RGS6: variants seen among roughly 807,000 people sequenced by gnomAD.
RGS6 encodes the protein regulator of G protein signaling 6.
In RGS6, 30 loss-of-function variants were observed where a neutral mutation model predicts 78.5. The ratio of observed to expected loss-of-function variants is 0.38; its 90% CI spans 0.29 to 0.52. The LOEUF (loss-of-function observed/expected upper bound fraction) is 0.52, where lower values mean the gene tolerates loss of function less well. RGS6 is among the 20% of genes least tolerant of loss of function. RGS6 has a pLI of 0.85. For synonymous variants in RGS6, 206 were observed against 206.0 expected, an observed-to-expected ratio of 1.00 and a Z score of 0.00; for missense variants, 495 against 609.7, an observed-to-expected ratio of 0.81 and a Z score of 1.98.
chr14:71,993,326 G>C (rs1445666668), intron 2 of RGS6, among the ~76,000 whole-genome samples: 2 of 152,054 alleles, frequency 1.3e-5, no homozygotes, highest in Non-Finnish European at 2.9e-5. Context: ...TTTTTAGAGA[G>C]TGGCTTTTAG....
intron 2 of RGS6, among the ~76,000 whole-genome samples, chr14:72,284,068 T>G (rs1460758906): frequency 1.3e-5 from 2 of 152,162 alleles, no homozygotes; most frequent in African/African-American, 4.8e-5. Flanking sequence ...TGATTTAGGG[T>G]ATCTGGCAGA....
At chr14:72,371,836 G>A (rs1480843645) in intron 3 of RGS6, among the ~76,000 whole-genome samples, 2 of 152,214 alleles carry the variant, frequency 1.3e-5, no homozygotes, top group Admixed American at 1.3e-4. Context: ...TCCAGATTTA[G>A]TGTAGCTGAC....
intron 2 of RGS6, among the ~76,000 whole-genome samples, chr14:71,987,875 CCTT>C (rs1367076968): frequency 3.9e-5 from 6 of 152,106 alleles, no homozygotes; most frequent in African/African-American, 1.4e-4. Flanking sequence ...GAATAAATAA[CCTT>C]CTCATGACTG....
chr14:72,369,801 A>G (rs2083110338), intron 3 of RGS6, among the ~76,000 whole-genome samples: 1 of 152,206 alleles, frequency 6.6e-6, no homozygotes, highest in Non-Finnish European at 1.5e-5. Flanking sequence ...AACTAATCAT[A>G]TTATTTCCAC....
chr14:72,230,627 TG>T (rs563927792), intron 2 of RGS6, among the ~76,000 whole-genome samples: 170 of 152,278 alleles, frequency 1.1e-3, no homozygotes, highest in African/African-American at 3.0e-3. Flanking sequence ...TATGCAACTG[TG>T]GGGGTTGCAC....
intron 2 of RGS6, among the ~76,000 whole-genome samples, chr14:72,302,669 C>CACACAT (rs962682469): frequency 2.7e-5 from 4 of 147,946 alleles, no homozygotes; most frequent in African/African-American, 7.9e-5. Flanking sequence ...GCCCCCAACA[C>CACACAT]ACACATACAC....
At chr14:72,199,678 C>A (rs1007373480) in intron 2 of RGS6, among the ~76,000 whole-genome samples, 1 of 152,154 alleles carries the variant, frequency 6.6e-6, no homozygotes, top group Non-Finnish European at 1.5e-5. Flanking sequence ...ACAGGCAATT[C>A]TAGATTCTAA....
intron 2 of RGS6, among the ~76,000 whole-genome samples, chr14:72,269,458 A>G (rs774198054): frequency 9.9e-5 from 15 of 151,872 alleles, no homozygotes; most frequent in Non-Finnish European, 1.5e-4. Flanking sequence ...GCCTTTGCCC[A>G]TGCTACTCCC....
chr14:72,579,120 CTCTT>C, the RGS6 span, among the ~76,000 whole-genome samples: 1 of 152,220 alleles, frequency 6.6e-6, no homozygotes, highest in African/African-American at 2.4e-5. Flanking sequence ...CTCTCTCTCT[CTCTT>C]TTCTCCATGC....
At chr14:72,567,655 A>G (rs566727137), downstream of RGS6, among the ~76,000 whole-genome samples, 6 of 152,224 alleles carry the variant, frequency 3.9e-5, no homozygotes, top group Middle Eastern at 3.4e-3. Flanking sequence ...CCAGCCTCCA[A>G]TTGTTCATTG....
intron 2 of RGS6, among the ~76,000 whole-genome samples, chr14:72,012,876 TAAAC>T (rs2086074918): frequency 6.6e-6 from 1 of 152,190 alleles, no homozygotes; most frequent in African/African-American, 2.4e-5. Flanking sequence ...GAGCAAACAA[TAAAC>T]AAATAATAGT....
At chr14:72,360,173 A>C (rs544044731) in intron 3 of RGS6, among the ~76,000 whole-genome samples, 2 of 152,170 alleles carry the variant, frequency 1.3e-5, no homozygotes, top group African/African-American at 4.8e-5. Flanking sequence ...TGAATTTAAC[A>C]TGCATATTGG....
chr14:72,551,857 T>C (rs933046937), intron 17 of RGS6, among the ~76,000 whole-genome samples: 1 of 152,236 alleles, frequency 6.6e-6, no homozygotes, highest in Non-Finnish European at 1.5e-5. Flanking sequence ...CTCCATCACT[T>C]AGTTGTTTGA....
At chr14:71,889,734 G>A in the RGS6 span, among the ~76,000 whole-genome samples, 1 of 152,176 alleles carries the variant, frequency 6.6e-6, no homozygotes, top group Non-Finnish European at 1.5e-5. Context: ...AAAATCTTAG[G>A]TTGTATTATA....
At chr14:72,118,337 T>C (rs1254529109) in intron 2 of RGS6, among the ~76,000 whole-genome samples, 1 of 152,166 alleles carries the variant, frequency 6.6e-6, no homozygotes, top group Non-Finnish European at 1.5e-5. Context: ...CTGTGGATTA[T>C]TTCCCTCCAT....
At chr14:72,151,719 T>G (rs1240065119) in intron 2 of RGS6, among the ~76,000 whole-genome samples, 4 of 152,132 alleles carry the variant, frequency 2.6e-5, no homozygotes, top group Non-Finnish European at 5.9e-5. Flanking sequence ...TTGTAGAAAG[T>G]GTCTTGATTT....
chr14:72,270,079 C>A (rs2059708320), intron 2 of RGS6, among the ~76,000 whole-genome samples: 2 of 152,204 alleles, frequency 1.3e-5, no homozygotes, highest in African/African-American at 2.4e-5. Flanking sequence ...CACAGAGAAC[C>A]ATTTGGCAGA....
At chr14:71,963,798 CT>C (rs1354083401) in intron 1 of RGS6, among the ~76,000 whole-genome samples, 1 of 152,186 alleles carries the variant, frequency 6.6e-6, no homozygotes, top group African/African-American at 2.4e-5. Context: ...CCCCTTTTAA[CT>C]ATTGTGAATA....
chr14:72,117,610 G>A (rs1157252646), intron 2 of RGS6, among the ~76,000 whole-genome samples: 4 of 152,162 alleles, frequency 2.6e-5, no homozygotes, highest in African/African-American at 7.2e-5. Context: ...AACACAGCAG[G>A]TGAGGAAGGG....
Sources: allele counts gnomAD v4.1 joint callset (sites outside exome capture counted in the v4.1 genomes callset), GRCh38; gene constraint gnomAD v4.1.1; transcripts MANE v1.5; gene names NCBI Gene and HGNC (gene_info 2026-07-23, HGNC 2026-07-21).